The following PCLO variants were observed in gnomAD, a reference collection of about 807,000 sequenced individuals.
PCLO encodes the protein piccolo presynaptic cytomatrix protein.
In PCLO, 82 loss-of-function variants were observed where a neutral mutation model predicts 427.5. The observed-to-expected ratio is 0.19, with a 90% CI of 0.16 to 0.23. The LOEUF (loss-of-function observed/expected upper bound fraction) is 0.23. Ranked by LOEUF, PCLO falls within the 10% of genes least tolerant of loss-of-function variation. The pLI, the probability that PCLO is intolerant of heterozygous loss-of-function variation, is 1.00. For synonymous variants in PCLO, 2,357 were observed against 2,155.4 expected, an observed-to-expected ratio of 1.09 and a Z score of -2.59; for missense variants, 6,239 against 6,115.9, an observed-to-expected ratio of 1.02 and a Z score of -0.67.
intron 2 of PCLO, among the ~76,000 whole-genome samples, chr7:83,146,251 A>G (rs1791990754): frequency 6.6e-6 from 1 of 152,204 alleles, no homozygotes; most frequent in Non-Finnish European, 1.5e-5. Flanking sequence ...ATTCATAGTC[A>G]TGTCACTAAG....
intron 3 of PCLO, among the ~76,000 whole-genome samples, chr7:82,993,042 TAG>T (rs1796413110): frequency 6.6e-6 from 1 of 152,046 alleles, no homozygotes; most frequent in African/African-American, 2.4e-5. Flanking sequence ...GCCACATGTT[TAG>T]AGTCACTAAA....
At chr7:82,965,041 A>C (rs1049587490) in intron 4 of PCLO, among the ~76,000 whole-genome samples, 3 of 152,178 alleles carry the variant, frequency 2.0e-5, no homozygotes, top group African/African-American at 7.2e-5. Flanking sequence ...AAAATATCAG[A>C]GTTCCACTGA....
chr7:82,984,696 T>G (rs965918320), intron 3 of PCLO, among the ~76,000 whole-genome samples: 1 of 152,012 alleles, frequency 6.6e-6, no homozygotes, highest in Non-Finnish European at 1.5e-5. Flanking sequence ...TAGCTAACAT[T>G]TAGGCCTATT....
At position 82,950,532 on chromosome 7, in the gene PCLO, A is replaced by T. The variant is rs773882036; in HGVS notation, c.10056T>A (p.Thr3352=). The T allele has an allele frequency of 6.2e-7, 1 of 1,613,828 alleles. No individual in the cohort carries two copies. The highest frequency in any genetic ancestry group is 1.1e-5 in the South Asian group (1 of 91,074). Residue 3352 remains threonine, a synonymous_variant, in exon 6 of 25, where the codon ACT becomes ACA. Transcript: ENST00000333891. Reference sequence around the variant, plus strand: ...CTGAAGCTGTGGTGGTTGCATCTTCAGTTGCCCAAAATTGACTGCCTTCCA... The same window carrying T: ...CTGAAGCTGTGGTGGTTGCATCTTCTGTTGCCCAAAATTGACTGCCTTCCA... ...AALEGSQFWA[T]EDATTTASAV... is the part of the protein sequence containing the mutation.
intron 3 of PCLO, among the ~76,000 whole-genome samples, chr7:82,979,298 T>C (rs1286304170): frequency 6.6e-6 from 1 of 152,152 alleles, no homozygotes; most frequent in Non-Finnish European, 1.5e-5. Context: ...CATGGAAAAT[T>C]ATATTGAATA....
intron 3 of PCLO, among the ~76,000 whole-genome samples, chr7:83,103,945 CAAT>C (rs1292059327): frequency 1.3e-5 from 2 of 151,896 alleles, no homozygotes; most frequent in East Asian, 3.9e-4. Context: ...TGCATTTAAG[CAAT>C]GATTGAGTCC....
chr7:83,012,621 G>GAAAAA (rs537818971), intron 3 of PCLO, among the ~76,000 whole-genome samples: 1 of 66,738 alleles, frequency 1.5e-5, no homozygotes, highest in Non-Finnish European at 2.7e-5. Context: ...CTGTCTCAAG[G>GAAAAA]AAAAAAAAAA....
chr7:82,935,457 T>G (rs546151597), intron 6 of PCLO, among the ~76,000 whole-genome samples: 1 of 151,444 alleles, frequency 6.6e-6, no homozygotes, highest in Non-Finnish European at 1.5e-5. Context: ...TTATAATTAC[T>G]ATTATATTAA....
chr7:83,038,203 CATAT>C lies in PCLO; in HGVS notation c.3301-71720_3301-71717del, dbSNP rs75153415. Reference sequence around the variant, plus strand: ...CATATAACACATATCCATACACACACATATATGTGTTTAATATACACACATACCA... The same window carrying C: ...CATATAACACATATCCATACACACACATGTGTTTAATATACACACATACCA... On this transcript the variant is annotated intron_variant, in intron 3 of 24. Coordinates refer to ENST00000333891, the MANE Select transcript of PCLO (RefSeq NM_033026.6). 7.4e-3 allele frequency among the ~76,000 whole-genome samples: 1,064 copies of C among 144,680 alleles called. 43 individuals carry two copies. Among genetic ancestry groups the C allele is most frequent in the Admixed American group, 0.053 (731 of 13,696 alleles). 94.9% of individuals were successfully genotyped at this position (144,680 alleles called of 152,430 possible). A position where few individuals can be genotyped will look rare whatever the true frequency, so the allele number is the denominator to read the frequency against.
intron 22 of PCLO, among the ~76,000 whole-genome samples, chr7:82,782,680 G>A (rs1452240859): frequency 6.6e-6 from 1 of 152,106 alleles, no homozygotes; most frequent in Admixed American, 6.5e-5. Context: ...ATATAAAATA[G>A]TATAGAATAT....
Position 82,950,643 on chromosome 7 carries a change from G to A in PCLO, c.9945C>T (p.Ile3315=), listed in dbSNP as rs1451183174. The stretch of plus-strand genomic sequence containing the variant: ...CAGAAGGGTCATAGTTATACTGGTA[G>A]ATCTGCCGAATCTTTTGCTCCTCCA... The part of the protein sequence containing the change: ...QQLEEQKIRQ[I]YQYNYDPSGT... The change falls in exon 6 of 25, where the codon ATC becomes ATT. Residue 3315 remains isoleucine (I), a synonymous_variant. Coordinates refer to ENST00000333891, the MANE Select transcript of PCLO (RefSeq NM_033026.6). 2.5e-6 allele frequency: 4 copies of A among 1,613,840 alleles called. No homozygotes were observed. The highest frequency in any genetic ancestry group is 3.3e-4 in the Middle Eastern group (2 of 6,062).
chr7:83,117,218 G>A (rs970750302), intron 3 of PCLO, among the ~76,000 whole-genome samples: 3 of 152,046 alleles, frequency 2.0e-5, no homozygotes, highest in Admixed American at 2.0e-4. Flanking sequence ...CTTTAATGTA[G>A]AAGGCCTGAG....
chr7:82,922,381 T>C (rs747475898), intron 6 of PCLO, among the ~76,000 whole-genome samples: 1 of 152,048 alleles, frequency 6.6e-6, no homozygotes, highest in Non-Finnish European at 1.5e-5. Flanking sequence ...ATGTGGTACA[T>C]ATATACCATG....
Position 82,987,461 on chromosome 7 carries a change from G to T in PCLO, c.3301-20974C>A, listed in dbSNP as rs11981550. Among the ~76,000 whole-genome samples, 447 of 152,096 alleles carry T rather than the reference G, an allele frequency of 2.9e-3. 2 individuals carry two copies. The highest frequency in any genetic ancestry group is 0.01 in the African/African-American group (430 of 41,540). On this transcript the variant is annotated intron_variant, in intron 3 of 24. Transcript: ENST00000333891. ...CAAATAATTTAGGGTTGATCTATTT[G>T]CTTTATATTATAAAGTCTATTGTAT...
chr7:82,979,342 T>C (rs1796096300), intron 3 of PCLO, among the ~76,000 whole-genome samples: 1 of 152,220 alleles, frequency 6.6e-6, no homozygotes, highest in Non-Finnish European at 1.5e-5. Flanking sequence ...ACATGATTTT[T>C]ATTGATGACA....
chr7:82,898,793 T>C (rs991849944), intron 9 of PCLO, among the ~76,000 whole-genome samples: 4 of 151,450 alleles, frequency 2.6e-5, no homozygotes, highest in Non-Finnish European at 5.9e-5. Context: ...GGAAATGTAA[T>C]ATAAGACTAC....
intron 3 of PCLO, among the ~76,000 whole-genome samples, chr7:82,971,596 T>C (rs955863043): frequency 1.4e-5 from 2 of 147,606 alleles, no homozygotes; most frequent in African/African-American, 4.9e-5. Context: ...ATATAATATA[T>C]ATGATATGAT....
Position 82,954,786 on chromosome 7 carries a change from C to G in PCLO, c.6167G>C (p.Arg2056Thr). ...GGCAGCATCAGCATCTAGTAGTTTC[C>G]TTTCTTCTTCTGTAGAAGTTACCAT... ...GTMVTSTEEE[R>T]KLLDADAAYE... is the part of the protein sequence containing the mutation. The change falls in exon 5 of 25, where the codon AGG becomes ACG. Residue 2056 changes from arginine (R) to threonine (T), a missense_variant. Physicochemically the swap from Arg to Thr is moderately conservative, Grantham distance 71. Transcript: ENST00000333891. The G allele has an allele frequency of 6.2e-7, 1 of 1,613,704 alleles. No individual in the cohort carries two copies. The highest frequency in any genetic ancestry group is 8.5e-7 in the Non-Finnish European group (1 of 1,179,800).
chr7:82,879,937 C>A, intron 9 of PCLO: 1 of 404,588 alleles, frequency 2.5e-6, no homozygotes, highest in Non-Finnish European at 4.8e-6. Flanking sequence ...ATTTATTTTT[C>A]AGCCTTAATT....
Sources: gnomAD v4.1 joint callset for allele counts (sites outside exome capture counted in the v4.1 genomes callset) on GRCh38, gnomAD v4.1.1 for gene constraint, MANE v1.5 for transcripts, NCBI Gene and HGNC (gene_info 2026-07-23, HGNC 2026-07-21) for gene names.